Variants in PRKD1 observed in about 807,000 individuals in gnomAD.
PRKD1 encodes protein kinase D1, also known as serine/threonine-protein kinase D1.
A neutral mutation model predicts 95.9 loss-of-function variants in PRKD1; 63 were observed. The observed-to-expected ratio is 0.66, with a 90% CI of 0.54 to 0.81. The LOEUF is 0.81. Among genes scored for constraint, PRKD1 ranks in the 30% least tolerant of loss-of-function variants. PRKD1 has a pLI of 0.00. For missense variants in PRKD1, 1,048 were observed against 1,165.3 expected (o/e 0.90, Z 1.47); for synonymous variants, 425 against 423.1 (o/e 1.00, Z -0.05).
At chr14:29,752,785 T>A (rs1887538413) in intron 1 of PRKD1, among the ~76,000 whole-genome samples, 1 of 152,080 alleles carries the variant, frequency 6.6e-6, no homozygotes, top group South Asian at 2.1e-4. Flanking sequence ...CAGCCTACGG[T>A]ACATAAAAAA....
chr14:29,620,018 C>T lies in PRKD1; in HGVS notation c.1905+4134G>A, dbSNP rs965127752. On this transcript the variant is annotated intron_variant, in intron 13 of 17. Coordinates refer to ENST00000331968, the MANE Select transcript of PRKD1 (RefSeq NM_002742.3). Reference sequence around the variant, plus strand: ...AGAACAGAGCCCTCAGAAATGACGCCGCATATCTACAACTGTCTGATCTTT... The same window carrying T: ...AGAACAGAGCCCTCAGAAATGACGCTGCATATCTACAACTGTCTGATCTTT... 8.6e-5 allele frequency among the ~76,000 whole-genome samples: 13 copies of T among 151,900 alleles called. No individual in the cohort carries two copies. In the East Asian group the frequency reaches 9.7e-4, roughly 11 times the overall value.
intron 1 of PRKD1, among the ~76,000 whole-genome samples, chr14:29,814,210 G>A (rs1036841964): frequency 2.0e-5 from 3 of 152,108 alleles, no homozygotes; most frequent in Admixed American, 6.5e-5. Context: ...TTTTGCTCAC[G>A]ACCTCACCTG....
intron 15 of PRKD1, among the ~76,000 whole-genome samples, chr14:29,598,133 C>T (rs1043868846): frequency 9.2e-5 from 14 of 151,394 alleles, no homozygotes; most frequent in Admixed American, 6.6e-5. Context: ...AAAATTAGCC[C>T]GGCGTAGTGG....
At chr14:29,582,027 A>AT (rs879487839) in intron 16 of PRKD1, among the ~76,000 whole-genome samples, 64 of 148,784 alleles carry the variant, frequency 4.3e-4, no homozygotes, top group African/African-American at 8.1e-4. Flanking sequence ...ATTTTAGGCT[A>AT]TTTTTTTTTT....
intron 1 of PRKD1, among the ~76,000 whole-genome samples, chr14:29,750,385 C>T (rs1159538863): frequency 2.0e-5 from 3 of 152,210 alleles, no homozygotes; most frequent in East Asian, 3.9e-4. Flanking sequence ...GTTACAAAAA[C>T]ATCACCAAAC....
chr14:29,622,091 C>A (rs1038025404), intron 13 of PRKD1, among the ~76,000 whole-genome samples: 2 of 152,034 alleles, frequency 1.3e-5, no homozygotes, highest in Admixed American at 1.3e-4. Context: ...ATGGAGGGGG[C>A]GGGCATTTAA....
chr14:29,682,095 T>C (rs1455004951), intron 2 of PRKD1, among the ~76,000 whole-genome samples: 1 of 152,208 alleles, frequency 6.6e-6, no homozygotes, highest in East Asian at 1.9e-4. Context: ...CATAATTTGA[T>C]ATCGACTGAA....
At chr14:29,746,239 T>G (rs988351087) in intron 1 of PRKD1, among the ~76,000 whole-genome samples, 1 of 152,106 alleles carries the variant, frequency 6.6e-6, no homozygotes. Context: ...TAGAAAACTT[T>G]AGTTAAGCAG....
chr14:29,675,357 T>C (rs1883095673), intron 2 of PRKD1, among the ~76,000 whole-genome samples: 1 of 152,250 alleles, frequency 6.6e-6, no homozygotes, highest in Non-Finnish European at 1.5e-5. Flanking sequence ...AAAATTGAGA[T>C]ACAGAACAAT....
At chr14:29,775,162 C>T (rs963324864) in intron 1 of PRKD1, among the ~76,000 whole-genome samples, 3 of 152,020 alleles carry the variant, frequency 2.0e-5, no homozygotes, top group African/African-American at 2.4e-5. Flanking sequence ...TTGAGAGGAC[C>T]GAGAGGTTCC....
At chr14:29,694,611 T>C (rs1884412779) in intron 2 of PRKD1, among the ~76,000 whole-genome samples, 1 of 151,918 alleles carries the variant, frequency 6.6e-6, no homozygotes, top group Non-Finnish European at 1.5e-5. Context: ...AGACAGAAAA[T>C]AAAATAGATT....
intron 1 of PRKD1, among the ~76,000 whole-genome samples, chr14:29,797,617 C>T (rs1481129161): frequency 6.6e-6 from 1 of 152,094 alleles, no homozygotes; most frequent in African/African-American, 2.4e-5. Flanking sequence ...TCAAACTACC[C>T]AAGGGTGCCA....
chr14:29,613,764 T>G (rs771419670), intron 13 of PRKD1, among the ~76,000 whole-genome samples: 2 of 152,232 alleles, frequency 1.3e-5, no homozygotes, highest in East Asian at 3.8e-4. Flanking sequence ...AGGTTCTCCA[T>G]GAACCCACAG....
At chr14:29,774,972 C>T (rs1007575753) in intron 1 of PRKD1, among the ~76,000 whole-genome samples, 6 of 151,948 alleles carry the variant, frequency 3.9e-5, no homozygotes, top group Non-Finnish European at 8.8e-5. Flanking sequence ...AGTTATAATG[C>T]CTAAAGAGAT....
chr14:29,776,999 T>TAA (rs1888793994), intron 1 of PRKD1, among the ~76,000 whole-genome samples: 2 of 152,142 alleles, frequency 1.3e-5, no homozygotes, highest in Non-Finnish European at 2.9e-5. Flanking sequence ...TCAACATTCT[T>TAA]AAAGAAAAGA....
intron 16 of PRKD1, among the ~76,000 whole-genome samples, chr14:29,595,940 T>C (rs1263594413): frequency 1.3e-5 from 2 of 152,246 alleles, no homozygotes; most frequent in Non-Finnish European, 2.9e-5. Flanking sequence ...GGTTATTTGA[T>C]AATTCTCTCT....
At chr14:29,916,368 G>A (rs1894887753) in intron 1 of PRKD1, among the ~76,000 whole-genome samples, 1 of 152,204 alleles carries the variant, frequency 6.6e-6, no homozygotes, top group Non-Finnish European at 1.5e-5. Context: ...GAAGGTCAGA[G>A]CTTTGCTGTC....
chr14:29,819,335 C>T (rs560870628), intron 1 of PRKD1, among the ~76,000 whole-genome samples: 2 of 152,136 alleles, frequency 1.3e-5, no homozygotes, highest in South Asian at 4.2e-4. Context: ...TGCGTAATAT[C>T]CTCAGACAGT....
In PRKD1 at chr14:29,616,210, G is replaced by C. The variant is rs140340955; in HGVS notation, c.1905+7942C>G. Among the ~76,000 whole-genome samples, 51 of 74,136 alleles carry C rather than the reference G, an allele frequency of 6.9e-4. No individual in the cohort carries two copies. In the East Asian group the frequency reaches 0.021, roughly 31 times the overall value. 48.6% of individuals were successfully genotyped at this position (74,136 alleles called of 152,430 possible). On this transcript the variant is annotated intron_variant, in intron 13 of 17. Coordinates refer to ENST00000331968, the MANE Select transcript of PRKD1 (RefSeq NM_002742.3). Reference sequence around the variant, plus strand: ...GAAGTGAGAAGAGAGATTTAAAAAGGAACAAGTGAGCCTTAGAAATCAAGA... The same window carrying C: ...GAAGTGAGAAGAGAGATTTAAAAAGCAACAAGTGAGCCTTAGAAATCAAGA...
Sources: gnomAD v4.1 joint callset for allele counts (sites outside exome capture counted in the v4.1 genomes callset) on GRCh38, gnomAD v4.1.1 for gene constraint, MANE v1.5 for transcripts, NCBI Gene and HGNC (gene_info 2026-07-23, HGNC 2026-07-21) for gene names.